The following KNTC1 variants were observed in gnomAD, a reference collection of about 807,000 sequenced individuals.
KNTC1 encodes the protein kinetochore associated 1.
A neutral mutation model predicts 314.4 loss-of-function variants in KNTC1; 253 were observed. The observed-to-expected ratio is 0.80, with a 90% CI of 0.73 to 0.89. The LOEUF is 0.89. Among genes scored for constraint, KNTC1 ranks in the 40% least tolerant of loss-of-function variants. The pLI, the probability that KNTC1 is intolerant of heterozygous loss-of-function variation, is 0.00. For synonymous variants in KNTC1, 901 were observed against 901.4 expected (o/e 1.00, Z 0.01); for missense variants, 2,475 against 2,572.9 (o/e 0.96, Z 0.82).
intron 10 of KNTC1, among the ~76,000 whole-genome samples, chr12:122,547,178 G>A (rs1285627967): frequency 2.0e-5 from 3 of 151,770 alleles, no homozygotes; most frequent in Non-Finnish European, 2.9e-5. Flanking sequence ...TAGGCTAGGC[G>A]TGGTGGCTAG....
Position 122,590,739 on chromosome 12 carries a change from T to C in KNTC1, c.4128+4T>C, listed in dbSNP as rs750434331. 4.3e-6 allele frequency: 7 copies of C among 1,612,042 alleles called. No individual in the cohort carries two copies. The Admixed American group carries it at 5.0e-5, about 12-fold the overall frequency. ...GCAGAATTACGACAAAATCTTGGTA[T>C]GTCCTAAGGAAGCACACCTTCAATT... On this transcript the variant is annotated splice_donor_region_variant and intron_variant, in intron 41 of 63. Coordinates refer to ENST00000333479, the MANE Select transcript of KNTC1 (RefSeq NM_014708.6).
At chr12:122,574,477 T>C in intron 27 of KNTC1, 97 bp downstream of exon 27, 1 of 724,572 alleles carries the variant, frequency 1.4e-6, no homozygotes, top group Non-Finnish European at 2.3e-6. Flanking sequence ...TTTGTTTTTG[T>C]TTGAGATGGG....
At chr12:122,599,789 C>T (rs926537096) in intron 44 of KNTC1, among the ~76,000 whole-genome samples, 4 of 152,092 alleles carry the variant, frequency 2.6e-5, no homozygotes, top group Admixed American at 6.6e-5. Flanking sequence ...TTGTTTTTCA[C>T]GCGACTTTTG....
At position 122,587,998 on chromosome 12, in the gene KNTC1, T is replaced by C. The variant is rs527404821; in HGVS notation, c.3894+124T>C. ...GCAAGGAAATTGGTAATTCGTCAGA[T>C]TTAAGAACATTTGTTGAGCATCTCT... On this transcript the variant is annotated intron_variant, in intron 39 of 63. Transcript: ENST00000333479. 13 of 753,034 alleles carry C rather than the reference T, an allele frequency of 1.7e-5. No homozygotes were observed. In the South Asian group the frequency reaches 2.7e-4, roughly 15 times the overall value. The allele number at this position is 753,034 out of a possible 1,614,324, so 46.6% of individuals were successfully genotyped here.
Position 122,626,234 on chromosome 12 carries a change from T to C in KNTC1, c.*6T>C, listed in dbSNP as rs951458732. 1 of 1,585,686 alleles carries C rather than the reference T, an allele frequency of 6.3e-7. No homozygotes were observed. The stretch of plus-strand genomic sequence containing the variant: ...TTCTTAGTGGATTATCGTAAATCAC[T>C]GAACCTTTTTTTCAAGAAGGACAAG... On this transcript the variant is annotated 3_prime_UTR_variant, in exon 64 of 64. Coordinates refer to ENST00000333479, the MANE Select transcript of KNTC1 (RefSeq NM_014708.6).
At chr12:122,589,945 G>A (rs1223050024) in intron 40 of KNTC1, among the ~76,000 whole-genome samples, 1 of 151,808 alleles carries the variant, frequency 6.6e-6, no homozygotes, top group Admixed American at 6.6e-5. Context: ...CACCACGCCT[G>A]GCTAATTTTT....
At chr12:122,618,637 T>C (rs1874058897) in intron 59 of KNTC1, 92 bp downstream of exon 59, 2 of 957,994 alleles carry the variant, frequency 2.1e-6, no homozygotes, top group Non-Finnish European at 3.2e-6. Context: ...TAATTCCTTT[T>C]TGTTAGGAAG....
At chr12:122,576,037 A>G (rs2137942804) in intron 29 of KNTC1, 138 bp downstream of exon 29, 1 of 1,094,998 alleles carries the variant, frequency 9.1e-7, no homozygotes. Flanking sequence ...TATGATGTTA[A>G]TAAGGTGTTC....
intron 37 of KNTC1, among the ~76,000 whole-genome samples, chr12:122,586,183 A>G (rs1346749815): frequency 1.3e-5 from 2 of 152,144 alleles, no homozygotes; most frequent in African/African-American, 4.8e-5. Context: ...CCTGGGTTCA[A>G]GCAATTATCG....
intron 52 of KNTC1, among the ~76,000 whole-genome samples, chr12:122,609,843 T>A (rs1023078517): frequency 6.6e-6 from 1 of 152,218 alleles, no homozygotes; most frequent in African/African-American, 2.4e-5. Context: ...TGATTTTATC[T>A]AATGTGCTAG....
chr12:122,590,637 C>G lies in KNTC1; in HGVS notation c.4030C>G (p.Leu1344Val). ...TAATTGTCGCTTGGTAGATCTTGAC[C>G]TGGCGTTGGGTTACTGCACTCTCTT... ...VFNCRLVDLD[L>V]ALGYCTLLPQ... The change falls in exon 41 of 64, where the codon CTG (leucine) becomes GTG (valine). Residue 1344 changes from leucine to valine, a missense_variant. By Grantham distance (32) the Leu-to-Val change is conservative. Coordinates refer to ENST00000333479, the MANE Select transcript of KNTC1 (RefSeq NM_014708.6). 1 of 1,612,912 alleles carries G rather than the reference C, an allele frequency of 6.2e-7. No homozygotes were observed. Among genetic ancestry groups the G allele is most frequent in the Non-Finnish European group, 8.5e-7 (1 of 1,179,392 alleles).
intron 10 of KNTC1, among the ~76,000 whole-genome samples, chr12:122,547,053 C>T (rs571942054): frequency 4.6e-4 from 70 of 151,712 alleles, no homozygotes; most frequent in African/African-American, 1.6e-3. Flanking sequence ...AGGCTGGTCT[C>T]GAACTCCTGA....
intron 48 of KNTC1, among the ~76,000 whole-genome samples, chr12:122,603,557 A>C (rs1395285918): frequency 6.6e-6 from 1 of 151,492 alleles, no homozygotes; most frequent in Non-Finnish European, 1.5e-5. Context: ...TAGTGGCATG[A>C]TCTTGGCTCA....
At chr12:122,604,473 A>G in intron 48 of KNTC1, 91 bp from the exon 49 acceptor site, 1 of 702,724 alleles carries the variant, frequency 1.4e-6, no homozygotes, top group Non-Finnish European at 2.3e-6. Flanking sequence ...GTAATTTTTA[A>G]AAAGTTGCTA....
chr12:122,622,049 G>C (rs1874497958), intron 61 of KNTC1, 79 bp downstream of exon 61: 2 of 921,956 alleles, frequency 2.2e-6, no homozygotes, highest in Admixed American at 2.3e-5. Flanking sequence ...CCAAGAGTAA[G>C]CTGAAAACTG....
At chr12:122,605,162 G>A (rs757473647) in intron 50 of KNTC1, 75 bp downstream of exon 50, 97 of 1,248,952 alleles carry the variant, frequency 7.8e-5, no homozygotes, top group Non-Finnish European at 9.2e-5. Context: ...ATATATGTAC[G>A]TGTACATATA....
chr12:122,534,696 C>T lies in KNTC1; in HGVS notation c.162C>T (p.Ser54=). The T allele has an allele frequency of 6.2e-7, 1 of 1,610,560 alleles. No homozygotes were observed. The highest frequency in any genetic ancestry group is 2.2e-5 in the East Asian group (1 of 44,832). The change falls in exon 3 of 64, where the codon AGC becomes AGT. Residue 54 remains serine (S), a synonymous_variant. Coordinates refer to ENST00000333479, the MANE Select transcript of KNTC1 (RefSeq NM_014708.6). Reference sequence around the variant, plus strand: ...TAAATCCAAAGATACAGGCATGCAGCTTAAGTGATGGGTTTATTATTGTAG... The same window carrying T: ...TAAATCCAAAGATACAGGCATGCAGTTTAAGTGATGGGTTTATTATTGTAG... ...ASLNPKIQAC[S]LSDGFIIVAD...
chr12:122,620,533 G>C lies in KNTC1; in HGVS notation c.6204G>C (p.Gln2068His). 1 of 1,613,660 alleles carries C rather than the reference G, an allele frequency of 6.2e-7. No individual in the cohort carries two copies. ...DLIGVARQYI[Q>H]LELPAFALAC... ...TCGGAGTCGCCAGGCAGTATATCCAGTTAGAACTTCCGGCTTTTGCATTAG... is the reference window on the plus strand; with the variant it reads ...TCGGAGTCGCCAGGCAGTATATCCACTTAGAACTTCCGGCTTTTGCATTAG... The change falls in exon 60 of 64, where the codon CAG becomes CAC. Residue 2068 changes from glutamine (Q) to histidine (H), a missense_variant. Physicochemically the swap from Gln to His is conservative, Grantham distance 24 (BLOSUM62 0). Transcript: ENST00000333479.
rs1964001354 is a variant in KNTC1, at chr12:122,561,913, T to C, written c.1489-8T>C. 1.3e-6 allele frequency: 2 copies of C among 1,560,346 alleles called. No homozygotes were observed. Among genetic ancestry groups the C allele is most frequent in the South Asian group, 1.1e-5 (1 of 87,630 alleles). On this transcript the variant is annotated splice_region_variant and splice_polypyrimidine_tract_variant and intron_variant, in intron 18 of 63. Coordinates refer to ENST00000333479, the MANE Select transcript of KNTC1 (RefSeq NM_014708.6). ...CTTCTAACTGTATTTCTTATTATTC[T>C]TACTTAGCTTTTGAAGAAAGAAGAT...
Sources: gnomAD v4.1 joint callset for allele counts (sites outside exome capture counted in the v4.1 genomes callset) on GRCh38, gnomAD v4.1.1 for gene constraint, MANE v1.5 for transcripts, NCBI Gene and HGNC (gene_info 2026-07-23, HGNC 2026-07-21) for gene names.